FMN2: variants seen among roughly 807,000 people sequenced by gnomAD.
FMN2 encodes the protein formin 2.
Under a neutral mutation model 142.3 loss-of-function variants are expected in FMN2, and 51 were observed. The ratio of observed to expected loss-of-function variants is 0.36; its 90% CI spans 0.29 to 0.45. The LOEUF (loss-of-function observed/expected upper bound fraction) is 0.45. Ranked by LOEUF, FMN2 falls within the 20% of genes least tolerant of loss-of-function variation. FMN2 has a pLI of 1.00. For missense variants in FMN2, 1,936 were observed against 2,122.8 expected (o/e 0.91, Z 1.73); for synonymous variants, 882 against 869.8 (o/e 1.01, Z -0.25).
At position 240,329,179 on chromosome 1, in the gene FMN2, T is replaced by G. The variant is rs1424826326; in HGVS notation, c.4307+12T>G. The G allele has an allele frequency of 1.2e-6, 2 of 1,613,666 alleles. No individual in the cohort carries two copies. The highest frequency in any genetic ancestry group is 1.7e-6 in the Non-Finnish European group (2 of 1,179,904). On this transcript the variant is annotated intron_variant, in intron 9 of 17. Transcript: ENST00000319653. The stretch of plus-strand genomic sequence containing the variant: ...GACAAACCTGAACAGTAAGCATGTC[T>G]TATAACCACGTAGAGGGCGTCCAGG...
At chr1:240,117,837 G>A (rs1397486311) in intron 1 of FMN2, among the ~76,000 whole-genome samples, 1 of 152,188 alleles carries the variant, frequency 6.6e-6, no homozygotes, top group Non-Finnish European at 1.5e-5. Flanking sequence ...CTGCTGAAAT[G>A]GAGTTTACGC....
At chr1:240,243,851 C>T (rs1174490436) in intron 6 of FMN2, among the ~76,000 whole-genome samples, 3 of 152,164 alleles carry the variant, frequency 2.0e-5, no homozygotes, top group Non-Finnish European at 4.4e-5. Flanking sequence ...GAATTGTTCT[C>T]TTTGCCTTTC....
At chr1:240,409,070 G>T (rs527436424) in intron 15 of FMN2, among the ~76,000 whole-genome samples, 4 of 152,192 alleles carry the variant, frequency 2.6e-5, no homozygotes, top group African/African-American at 9.6e-5. Flanking sequence ...TTTGTCCGGT[G>T]CCCTATTTAA....
chr1:240,166,620 T>A (rs1013270445), intron 2 of FMN2, among the ~76,000 whole-genome samples: 1 of 152,204 alleles, frequency 6.6e-6, no homozygotes, highest in Non-Finnish European at 1.5e-5. Context: ...TTCAATGAGA[T>A]GTGATTTTAA....
At chr1:240,375,343 C>T (rs186556263) in intron 14 of FMN2, among the ~76,000 whole-genome samples, 4 of 151,998 alleles carry the variant, frequency 2.6e-5, no homozygotes, top group African/African-American at 9.6e-5. Context: ...CAGTTGCTGC[C>T]GATCTTCAAT....
intron 13 of FMN2, among the ~76,000 whole-genome samples, chr1:240,352,631 GTCACCTGACGTTGCTAGAAA>G (rs1672133676): frequency 6.6e-6 from 1 of 152,104 alleles, no homozygotes; most frequent in Non-Finnish European, 1.5e-5. Context: ...GGAACACTGT[GTCACCTGACGTTGCTAGAAA>G]TAACCCACTG....
chr1:240,124,593 G>A lies in FMN2; in HGVS notation c.1782+1248G>A, dbSNP rs560998379. On this transcript the variant is annotated intron_variant, in intron 2 of 17. Transcript: ENST00000319653. The stretch of plus-strand genomic sequence containing the variant: ...AAAACCCAGATGTGTAAGAATTCTC[G>A]TGGATGAAATTCTCATAACAAAATT... 1.7e-4 allele frequency among the ~76,000 whole-genome samples: 26 copies of A among 152,268 alleles called. No homozygotes were observed. In the South Asian group the frequency reaches 3.3e-3, roughly 19 times the overall value.
At position 240,144,179 on chromosome 1, in the gene FMN2, G is replaced by A. The variant is rs971682539; in HGVS notation, c.1782+20834G>A. On this transcript the variant is annotated intron_variant, in intron 2 of 17. Transcript: ENST00000319653. ...TCAACATTCCGTGGTCCTTGTTCTT[G>A]TAAAGCCATTTGTTGCCATCATCGT... 4.8e-6 allele frequency: 7 copies of A among 1,466,674 alleles called. No individual in the cohort carries two copies. In the African/African-American group the frequency reaches 5.6e-5, roughly 12 times the overall value. 90.9% of individuals were successfully genotyped at this position (1,466,674 alleles called of 1,614,324 possible).
At chr1:240,453,128 C>T (rs1335279266) in intron 16 of FMN2, among the ~76,000 whole-genome samples, 2 of 152,178 alleles carry the variant, frequency 1.3e-5, no homozygotes, top group African/African-American at 4.8e-5. Context: ...GAGTATAAAA[C>T]ATTTAGCACA....
intron 1 of FMN2, among the ~76,000 whole-genome samples, chr1:240,098,369 T>TA (rs1661295860): frequency 6.6e-6 from 1 of 152,056 alleles, no homozygotes; most frequent in Non-Finnish European, 1.5e-5. Flanking sequence ...CCCCAAGTGC[T>TA]AGGAGGCCTA....
chr1:240,188,063 C>A, intron 3 of FMN2, 144 bp from the exon 4 acceptor site: 1 of 689,206 alleles, frequency 1.5e-6, no homozygotes, highest in South Asian at 1.9e-5. Context: ...TCCTAATAAC[C>A]CAGTTATATA....
intron 6 of FMN2, among the ~76,000 whole-genome samples, chr1:240,217,245 A>T (rs920368207): frequency 3.3e-5 from 5 of 152,186 alleles, no homozygotes; most frequent in Non-Finnish European, 5.9e-5. Context: ...TCATTTTTAG[A>T]TTGAAAACTA....
intron 16 of FMN2, among the ~76,000 whole-genome samples, chr1:240,442,755 C>A (rs191898654): frequency 0.014 from 2,182 of 152,302 alleles, 20 homozygotes; most frequent in Non-Finnish European, 0.023. Flanking sequence ...CCTGATGACG[C>A]ATGTGATTTG....
At chr1:240,470,377 T>C (rs1293379969) in intron 16 of FMN2, among the ~76,000 whole-genome samples, 1 of 152,184 alleles carries the variant, frequency 6.6e-6, no homozygotes, top group African/African-American at 2.4e-5. Context: ...ATTTATGGCT[T>C]GGGTGAAAAG....
intron 6 of FMN2, among the ~76,000 whole-genome samples, chr1:240,241,703 C>T (rs1667901398): frequency 6.7e-6 from 1 of 148,736 alleles, no homozygotes; most frequent in African/African-American, 2.6e-5. Flanking sequence ...TATGGCGCTA[C>T]TCCTCTTGTT....
intron 2 of FMN2, among the ~76,000 whole-genome samples, chr1:240,159,251 C>T (rs547642198): frequency 1.2e-4 from 18 of 151,936 alleles, no homozygotes; most frequent in East Asian, 1.9e-4. Flanking sequence ...TTCTCTGATA[C>T]GCTGGGGTTT....
At chr1:240,137,877 G>A (rs923083239) in intron 2 of FMN2, among the ~76,000 whole-genome samples, 1 of 151,966 alleles carries the variant, frequency 6.6e-6, no homozygotes, top group African/African-American at 2.4e-5. Flanking sequence ...ATCACTTGAG[G>A]TCAGAAGTTT....
At position 240,188,230 on chromosome 1, in the gene FMN2, A is replaced by C; in HGVS notation, c.1954A>C (p.Thr652Pro). Residue 652 changes from threonine (T) to proline (P), a missense_variant, in exon 4 of 18, where the codon ACT becomes CCT. Thr to Pro is a conservative substitution (Grantham distance 38). This residue lies in a region of FMN2 where 478 missense variants were observed against 462.8 expected (regional missense o/e 1.03). Coordinates refer to ENST00000319653, the MANE Select transcript of FMN2 (RefSeq NM_020066.5). ...ETESQSAVSETPQKRSDAVQK... is the reference protein window; with the variant it reads ...ETESQSAVSEPPQKRSDAVQK... ...AGAATCTCAATCTGCTGTTTCAGAA[A>C]CTCCCCAAAAACGCTCAGATGCTGT... 1.2e-6 allele frequency: 2 copies of C among 1,613,278 alleles called. No individual in the cohort carries two copies. Among genetic ancestry groups the C allele is most frequent in the Non-Finnish European group, 1.7e-6 (2 of 1,179,710 alleles).
At chr1:240,211,379 A>G (rs1666687548) in intron 6 of FMN2, 144 bp downstream of exon 6, 1 of 726,474 alleles carries the variant, frequency 1.4e-6, no homozygotes, top group Admixed American at 3.0e-5. Context: ...ACTTTAGAAC[A>G]TGTGGTTAAG....
Sources: gnomAD v4.1 joint callset for allele counts (sites outside exome capture counted in the v4.1 genomes callset) on GRCh38, gnomAD v4.1.1 for gene constraint, gnomAD v4.1.1 regional missense constraint, MANE v1.5 for transcripts, NCBI Gene and HGNC (gene_info 2026-07-23, HGNC 2026-07-21) for gene names.